PAK1: variants seen among roughly 807,000 people sequenced by gnomAD.
The protein encoded by PAK1 is p21 (RAC1) activated kinase 1.
Under a neutral mutation model 67.4 loss-of-function variants are expected in PAK1, and 29 were observed. That is an observed-to-expected ratio of 0.43 (90% CI 0.32 to 0.59). The LOEUF (loss-of-function observed/expected upper bound fraction) is 0.59, where lower values mean the gene tolerates loss of function less well. Ranked by LOEUF, PAK1 falls within the 20% of genes least tolerant of loss-of-function variation. The pLI, the probability that PAK1 is intolerant of heterozygous loss-of-function variation, is 0.07. For synonymous variants in PAK1, 223 were observed against 237.4 expected (o/e 0.94, Z 0.56); for missense variants, 337 against 670.7 (o/e 0.50, Z 5.50).
chr11:77,336,789 G>C (rs1942764170), intron 12 of PAK1, among the ~76,000 whole-genome samples: 1 of 151,900 alleles, frequency 6.6e-6, no homozygotes. Flanking sequence ...CTGTTTGTCT[G>C]GTCTACTGGT....
intron 4 of PAK1, among the ~76,000 whole-genome samples, chr11:77,375,576 C>T (rs987719562): frequency 2.0e-5 from 3 of 152,160 alleles, no homozygotes; most frequent in Admixed American, 2.0e-4. Context: ...GTCCTACTTT[C>T]TAAAGCATGT....
At chr11:77,435,765 C>T (rs1956103187) in intron 1 of PAK1, among the ~76,000 whole-genome samples, 1 of 151,074 alleles carries the variant, frequency 6.6e-6, no homozygotes, top group Non-Finnish European at 1.5e-5. Context: ...GCCTCGGCCT[C>T]CCAAAGTGCT....
At chr11:77,369,862 A>AT (rs1233613128) in intron 5 of PAK1, among the ~76,000 whole-genome samples, 11 of 152,178 alleles carry the variant, frequency 7.2e-5, no homozygotes, top group East Asian at 1.9e-4. Flanking sequence ...AAAATACTAG[A>AT]TTTTTTTAAA....
intron 14 of PAK1, among the ~76,000 whole-genome samples, chr11:77,326,312 A>C (rs1939848973): frequency 2.0e-5 from 3 of 152,174 alleles, no homozygotes; most frequent in African/African-American, 7.2e-5. Context: ...CACTCTCAAT[A>C]AGTAGAGTAT....
chr11:77,479,556 G>A (rs188765557), upstream of PAK1, among the ~76,000 whole-genome samples: 282 of 151,640 alleles, frequency 1.9e-3, no homozygotes, highest in Non-Finnish European at 3.0e-3. Context: ...GGCTGGAGCT[G>A]GAGCAGCTAT....
chr11:77,411,066 AC>A (rs1954451240), intron 1 of PAK1, among the ~76,000 whole-genome samples: 1 of 151,940 alleles, frequency 6.6e-6, no homozygotes, highest in Non-Finnish European at 1.5e-5. Context: ...TACGCATCAC[AC>A]TAAAATAAGC....
intron 1 of PAK1, among the ~76,000 whole-genome samples, chr11:77,417,020 C>T (rs1273171397): frequency 2.0e-5 from 3 of 151,808 alleles, no homozygotes; most frequent in African/African-American, 4.8e-5. Context: ...GGTTTGTTTA[C>T]ACCAGCATCT....
intron 3 of PAK1, 132 bp downstream of exon 3, chr11:77,379,762 T>C (rs1949577374): frequency 3.0e-6 from 2 of 671,954 alleles, no homozygotes; most frequent in Non-Finnish European, 5.1e-6. Context: ...GTCCCACTCA[T>C]GAACGTGAGA....
intron 1 of PAK1, among the ~76,000 whole-genome samples, chr11:77,447,123 C>T (rs778941083): frequency 6.6e-5 from 10 of 152,126 alleles, no homozygotes; most frequent in African/African-American, 1.2e-4. Flanking sequence ...ATAACACATC[C>T]GCTATTAGCC....
chr11:77,325,237 T>A, intron 14 of PAK1: 1 of 1,511,740 alleles, frequency 6.6e-7, no homozygotes, highest in Non-Finnish European at 9.1e-7. Context: ...GGGCTTCCAG[T>A]TGTGATACTC....
Position 77,379,389 on chromosome 11 carries a change from C to G in PAK1, c.292-1G>C. 6.2e-7 allele frequency: 1 copy of G among 1,611,858 alleles called. No homozygotes were observed. Among genetic ancestry groups the G allele is most frequent in the Non-Finnish European group, 8.5e-7 (1 of 1,179,278 alleles). On this transcript the variant is annotated splice_acceptor_variant, in intron 3 of 14. Transcript: ENST00000356341. LOFTEE classifies it high-confidence loss of function. ...AGCGGGCCCACTGCTCTGGCATTCC[C>G]TGTAAGAGAGACATGCAAGACTAAC...
intron 5 of PAK1, among the ~76,000 whole-genome samples, chr11:77,363,845 C>A (rs1947127423): frequency 1.3e-5 from 2 of 152,236 alleles, no homozygotes; most frequent in Admixed American, 6.5e-5. Flanking sequence ...GACTGATAAA[C>A]TCCTGAACTT....
At chr11:77,385,750 G>C (rs113117715) in intron 2 of PAK1, among the ~76,000 whole-genome samples, 4 of 152,094 alleles carry the variant, frequency 2.6e-5, no homozygotes, top group South Asian at 4.2e-4. Context: ...CCAGCTACTC[G>C]GGAGGCTGAG....
chr11:77,521,293 GC>G, the PAK1 span, among the ~76,000 whole-genome samples: 1 of 152,154 alleles, frequency 6.6e-6, no homozygotes. Flanking sequence ...ACTTTGGGAA[GC>G]CAAGGCAGGC....
chr11:77,452,805 T>A (rs957528671), intron 1 of PAK1, among the ~76,000 whole-genome samples: 7 of 151,686 alleles, frequency 4.6e-5, no homozygotes, highest in Non-Finnish European at 8.8e-5. Flanking sequence ...CAAGTAGGAG[T>A]AAAGAGTGTG....
intron 1 of PAK1, among the ~76,000 whole-genome samples, chr11:77,441,638 G>A (rs1369513679): frequency 6.6e-6 from 1 of 152,180 alleles, no homozygotes. Flanking sequence ...GGAAACTGCA[G>A]TCCAGAGAGA....
rs1439397121 is a variant in PAK1, at chr11:77,392,453, A to T, written c.68T>A (p.Met23Lys). The T allele has an allele frequency of 6.2e-7, 1 of 1,614,126 alleles. No individual in the cohort carries two copies. Among genetic ancestry groups the T allele is most frequent in the South Asian group, 1.1e-5 (1 of 91,076 alleles). Residue 23 changes from methionine to lysine, a missense_variant, in exon 2 of 15, where the codon ATG (methionine) becomes AAG (lysine). This residue lies in a region of PAK1 where 27 missense variants were observed against 37.0 expected (regional missense o/e 0.73). Transcript: ENST00000356341. ...AGCATCTTTGCTGCCGGCTCCAATC[A>T]TAGTGCTGGTATTTCTCATCGGAGG... ...PAPPMRNTST[M>K]IGAGSKDAGT...
At chr11:77,339,651 T>C (rs1187364986) in intron 11 of PAK1, among the ~76,000 whole-genome samples, 1 of 152,132 alleles carries the variant, frequency 6.6e-6, no homozygotes, top group Non-Finnish European at 1.5e-5. Flanking sequence ...TTAACACTGA[T>C]TAAATATATA....
the PAK1 span, among the ~76,000 whole-genome samples, chr11:77,526,538 A>G: frequency 1.3e-5 from 2 of 152,242 alleles, no homozygotes; most frequent in African/African-American, 4.8e-5. Context: ...AGTAAAATGC[A>G]GAACAATATT....
Sources: gnomAD v4.1 joint callset for allele counts (sites outside exome capture counted in the v4.1 genomes callset) on GRCh38, gnomAD v4.1.1 for gene constraint, gnomAD v4.1.1 regional missense constraint, MANE v1.5 for transcripts, NCBI Gene and HGNC (gene_info 2026-07-23, HGNC 2026-07-21) for gene names.